Variants in USP47 observed in about 807,000 individuals in gnomAD.
USP47 encodes the protein ubiquitin specific peptidase 47.
USP47 carries 35 observed loss-of-function variants against 165.1 expected under a neutral mutation model. That is an observed-to-expected ratio of 0.21 (90% CI 0.16 to 0.28). The LOEUF is 0.28. USP47 is among the 10% of genes least tolerant of loss of function. The pLI is 1.00. For synonymous variants in USP47, 531 were observed against 544.5 expected (o/e 0.98, Z 0.35); for missense variants, 1,277 against 1,607.4 (o/e 0.79, Z 3.52).
intron 1 of USP47, among the ~76,000 whole-genome samples, chr11:11,854,041 A>C (rs1258140908): frequency 6.7e-6 from 1 of 150,324 alleles, no homozygotes; most frequent in Non-Finnish European, 1.5e-5. Context: ...AGGCTGAGGC[A>C]GGAGAATGGC....
chr11:11,903,177 ATTTC>A, intron 6 of USP47, 82 bp from the exon 7 acceptor site: 1 of 1,321,424 alleles, frequency 7.6e-7, no homozygotes, highest in Non-Finnish European at 1.0e-6. Flanking sequence ...AGACTTCAAT[ATTTC>A]TGTCTATTTG....
At chr11:11,926,650 A>G (rs1311532614) in intron 11 of USP47, among the ~76,000 whole-genome samples, 2 of 150,300 alleles carry the variant, frequency 1.3e-5, no homozygotes, top group Non-Finnish European at 3.0e-5. Flanking sequence ...CCTATTCTCT[A>G]TTTATTTCTG....
chr11:11,901,952 C>CT (rs1413097620), intron 5 of USP47, among the ~76,000 whole-genome samples: 9 of 143,964 alleles, frequency 6.3e-5, no homozygotes, highest in Admixed American at 2.8e-4. Flanking sequence ...GAACGAGACT[C>CT]TGTCTCAAAA....
chr11:11,923,972 G>T (rs1436186427), intron 11 of USP47, among the ~76,000 whole-genome samples: 1 of 152,210 alleles, frequency 6.6e-6, no homozygotes. Flanking sequence ...AATAAAGACA[G>T]TATTCTTCCT....
At chr11:11,853,604 C>T (rs1178621798) in intron 1 of USP47, among the ~76,000 whole-genome samples, 2 of 152,186 alleles carry the variant, frequency 1.3e-5, no homozygotes, top group African/African-American at 2.4e-5. Flanking sequence ...TACCTTACTG[C>T]ATACTTCCAT....
At chr11:11,948,272 T>C (rs1213293707) in intron 21 of USP47, 152 bp downstream of exon 21, 9 of 962,030 alleles carry the variant, frequency 9.4e-6, no homozygotes, top group Non-Finnish European at 1.3e-5. Flanking sequence ...TTGTTGTTAT[T>C]TTTCTTCACT....
At chr11:11,896,157 T>C (rs1851831436) in intron 4 of USP47, among the ~76,000 whole-genome samples, 1 of 152,230 alleles carries the variant, frequency 6.6e-6, no homozygotes, top group South Asian at 2.1e-4. Flanking sequence ...TAGAGTCATA[T>C]GTGATTTTTA....
At chr11:11,895,483 A>G (rs1278911258) in intron 4 of USP47, among the ~76,000 whole-genome samples, 1 of 152,220 alleles carries the variant, frequency 6.6e-6, no homozygotes, top group African/African-American at 2.4e-5. Context: ...AGAAATTATT[A>G]TAAATTTTGG....
At chr11:11,880,886 T>C (rs1256008721) in intron 2 of USP47, among the ~76,000 whole-genome samples, 2 of 152,152 alleles carry the variant, frequency 1.3e-5, no homozygotes, top group Non-Finnish European at 2.9e-5. Context: ...CTTTTTTGTA[T>C]GTTTATTTTT....
intron 1 of USP47, among the ~76,000 whole-genome samples, chr11:11,859,094 T>G (rs973524340): frequency 6.6e-6 from 1 of 152,210 alleles, no homozygotes; most frequent in African/African-American, 2.4e-5. Flanking sequence ...CTGTTTGTGC[T>G]TTTAGTTTGC....
At chr11:11,930,349 G>A (rs1831898261) in intron 13 of USP47, among the ~76,000 whole-genome samples, 1 of 152,086 alleles carries the variant, frequency 6.6e-6, no homozygotes, top group Non-Finnish European at 1.5e-5. Flanking sequence ...AGTAGTTGCA[G>A]CACAGACCAT....
At chr11:11,913,050 T>C (rs1244850549) in intron 8 of USP47, among the ~76,000 whole-genome samples, 1 of 152,024 alleles carries the variant, frequency 6.6e-6, no homozygotes, top group South Asian at 2.1e-4. Flanking sequence ...ACATCATACT[T>C]CATTGTGAGA....
chr11:11,882,662 A>T (rs1850906667), intron 2 of USP47, among the ~76,000 whole-genome samples: 3 of 152,124 alleles, frequency 2.0e-5, no homozygotes, highest in African/African-American at 7.2e-5. Context: ...AGCCTTACTC[A>T]GTGTTTCCTC....
In USP47 at chr11:11,875,033, T is replaced by TTGTATGTGTG. The variant is rs1491193505; in HGVS notation, c.40-5141_40-5140insATGTGTGTGT. On this transcript the variant is annotated intron_variant, in intron 1 of 27. Coordinates refer to ENST00000527733, the MANE Select transcript of USP47 (RefSeq NM_001282659.2). ...CCAAAAGGGAGAGAAAATTGACTTA[T>TTGTATGTGTG]TGTGTGTGTGTGTGTGTGTGTGTGT... is the stretch of plus-strand genomic sequence containing the variant. Among the ~76,000 whole-genome samples the TTGTATGTGTG allele has an allele frequency of 2.9e-3, 279 of 95,412 alleles. 4 individuals carry two copies. The highest frequency in any genetic ancestry group is 5.3e-3 in the African/African-American group (132 of 24,786). The allele number at this position is 95,412 out of a possible 152,430, so 62.6% of individuals were successfully genotyped here. A position where few individuals can be genotyped will look rare whatever the true frequency, so the allele number is the denominator to read the frequency against.
At chr11:11,891,884 C>G (rs1851538684) in intron 3 of USP47, 84 bp from the exon 4 acceptor site, 6 of 1,517,590 alleles carry the variant, frequency 4.0e-6, no homozygotes, top group Non-Finnish European at 4.4e-6. Flanking sequence ...AGGCATCATT[C>G]AAACCTTCCT....
At chr11:11,887,637 A>T (rs1459392245) in intron 3 of USP47, among the ~76,000 whole-genome samples, 1 of 152,312 alleles carries the variant, frequency 6.6e-6, no homozygotes, top group East Asian at 1.9e-4. Context: ...GGAGACTTTA[A>T]CACCCCACTG....
At chr11:11,952,933 AAATATAT>A (rs895587519) in intron 25 of USP47, 62 bp downstream of exon 25, 12 of 1,150,878 alleles carry the variant, frequency 1.0e-5, no homozygotes, top group Non-Finnish European at 1.3e-5. Flanking sequence ...AATATTAATA[AAATATAT>A]AATATATAAA....
intron 20 of USP47, 100 bp from the exon 21 acceptor site, chr11:11,947,845 A>T: frequency 7.9e-7 from 1 of 1,258,366 alleles, no homozygotes; most frequent in Non-Finnish European, 1.1e-6. Context: ...GGTACTCTTT[A>T]CTGCATACAG....
chr11:11,932,205 C>T (rs552149549), intron 14 of USP47, among the ~76,000 whole-genome samples: 26 of 152,176 alleles, frequency 1.7e-4, no homozygotes, highest in African/African-American at 6.0e-4. Flanking sequence ...GTGCCACACA[C>T]TTTTAAATGA....
Sources: gnomAD v4.1 joint callset for allele counts (sites outside exome capture counted in the v4.1 genomes callset) on GRCh38, gnomAD v4.1.1 for gene constraint, MANE v1.5 for transcripts, NCBI Gene and HGNC (gene_info 2026-07-23, HGNC 2026-07-21) for gene names.